CDC20B: variants seen among roughly 807,000 people sequenced by gnomAD.
CDC20B encodes cell division cycle 20B, also known as cell division cycle protein 20 homolog B.
In CDC20B, 58 loss-of-function variants were observed where a neutral mutation model predicts 64.1. That is an observed-to-expected ratio of 0.90 (90% CI 0.73 to 1.13). The LOEUF (loss-of-function observed/expected upper bound fraction) is 1.13. Ranked by LOEUF, CDC20B falls within the 50% of genes most tolerant of loss-of-function variation. CDC20B has a pLI of 0.00. For missense variants in CDC20B, 597 were observed against 633.0 expected (o/e 0.94, Z 0.61); for synonymous variants, 243 against 230.6 (o/e 1.05, Z -0.49).
At chr5:55,145,106 C>T (rs1743433597) in intron 3 of CDC20B, among the ~76,000 whole-genome samples, 1 of 152,040 alleles carries the variant, frequency 6.6e-6, no homozygotes, top group Non-Finnish European at 1.5e-5. Flanking sequence ...AAAAGGGAGC[C>T]CCTAATTTTA....
At chr5:55,122,151 G>T (rs1742772878) in intron 9 of CDC20B, among the ~76,000 whole-genome samples, 1 of 152,022 alleles carries the variant, frequency 6.6e-6, no homozygotes, top group African/African-American at 2.4e-5. Flanking sequence ...AGGTGAACTT[G>T]TTATTATAAC....
At chr5:55,154,604 A>C (rs909069448) in intron 2 of CDC20B, among the ~76,000 whole-genome samples, 8 of 152,322 alleles carry the variant, frequency 5.3e-5, no homozygotes, top group Middle Eastern at 6.8e-3. Context: ...AGAAAAACTT[A>C]CTTTATATTG....
chr5:55,126,531 G>C (rs1015840900), intron 8 of CDC20B: 1 of 192,346 alleles, frequency 5.2e-6, no homozygotes, highest in Non-Finnish European at 1.1e-5. Context: ...TTAACCTTAA[G>C]AACTACAATA....
intron 2 of CDC20B, chr5:55,160,089 A>C: frequency 2.6e-6 from 2 of 768,720 alleles, no homozygotes; most frequent in Non-Finnish European, 4.5e-6. Flanking sequence ...CAGTGAAAGC[A>C]GTCAGCCTGT....
intron 2 of CDC20B, among the ~76,000 whole-genome samples, chr5:55,171,777 A>G (rs945615967): frequency 6.6e-6 from 1 of 152,042 alleles, no homozygotes; most frequent in African/African-American, 2.4e-5. Context: ...TAATTTTTGC[A>G]GTTTTTTTAT....
intron 2 of CDC20B, among the ~76,000 whole-genome samples, chr5:55,149,490 C>T (rs897341201): frequency 7.2e-5 from 11 of 152,124 alleles, no homozygotes; most frequent in South Asian, 2.1e-4. Context: ...AATCATGGGA[C>T]GTATCTACAT....
intron 2 of CDC20B, among the ~76,000 whole-genome samples, chr5:55,155,865 C>G (rs1303259580): frequency 6.6e-6 from 1 of 152,192 alleles, no homozygotes; most frequent in Non-Finnish European, 1.5e-5. Flanking sequence ...TCAGTACACA[C>G]AGAAAAGCCT....
intron 11 of CDC20B, among the ~76,000 whole-genome samples, chr5:55,115,546 A>G (rs1270470614): frequency 6.6e-6 from 1 of 152,178 alleles, no homozygotes; most frequent in Non-Finnish European, 1.5e-5. Flanking sequence ...ACTTTAGGCC[A>G]AAATAGGTGA....
Position 55,128,524 on chromosome 5 carries a change from A to G in CDC20B, c.791T>C (p.Ile264Thr), listed in dbSNP as rs1450238532. ...AGTGAGACTTAAGTCTATGTTTTCA[A>G]TCCCATTGTGGTTCTCCCCATTCCA... ...YIWNGENHNG[I>T]ENIDLSLTCN... The change falls in exon 7 of 12, where the codon ATT becomes ACT. Residue 264 changes from isoleucine to threonine, a missense_variant. Transcript: ENST00000381375. 6.2e-7 allele frequency: 1 copy of G among 1,611,776 alleles called. No homozygotes were observed.
rs958932532 is a variant in CDC20B at position 55,115,365 on chromosome 5, A to G, written c.1460-1047T>C. ...CCTTATTTCAGGATTTCTTCATTTTAGGACTACTAGAAGCATTACAAATGT... is the reference window on the plus strand; with the variant it reads ...CCTTATTTCAGGATTTCTTCATTTTGGGACTACTAGAAGCATTACAAATGT... On this transcript the variant is annotated intron_variant, in intron 11 of 11. Transcript: ENST00000381375. Among the ~76,000 whole-genome samples the G allele has an allele frequency of 2.0e-5, 3 of 152,356 alleles. No homozygotes were observed. The South Asian group carries it at 6.2e-4, about 32-fold the overall frequency.
intron 5 of CDC20B, chr5:55,137,321 A>G: frequency 3.1e-6 from 1 of 326,842 alleles, no homozygotes; most frequent in Non-Finnish European, 6.0e-6. Flanking sequence ...CCACCATCCA[A>G]AGTTTCCTAC....
At chr5:55,148,647 G>A (rs976532572) in intron 2 of CDC20B, among the ~76,000 whole-genome samples, 6 of 152,160 alleles carry the variant, frequency 3.9e-5, no homozygotes, top group African/African-American at 7.2e-5. Flanking sequence ...GCAGTGAGCC[G>A]CATTGGCGCT....
At position 55,113,932 on chromosome 5, in the gene CDC20B, G is replaced by T; in HGVS notation, c.*286C>A. On this transcript the variant is annotated 3_prime_UTR_variant, in exon 12 of 12. Coordinates refer to ENST00000381375, the MANE Select transcript of CDC20B (RefSeq NM_001170402.1). ...AAATCTTTGCTATAGATGTTATTCT[G>T]AATAAAGTAGTGAAAATGAATCTCT... is the stretch of plus-strand genomic sequence containing the variant. 2.9e-6 allele frequency: 1 copy of T among 343,140 alleles called. No homozygotes were observed. 21.3% of individuals were successfully genotyped at this position (343,140 alleles called of 1,614,324 possible). A position where few individuals can be genotyped will look rare whatever the true frequency, so the allele number is the denominator to read the frequency against.
chr5:55,127,125 T>C (rs1279108363), intron 8 of CDC20B, 132 bp downstream of exon 8: 4 of 744,168 alleles, frequency 5.4e-6, no homozygotes, highest in African/African-American at 3.5e-5. Flanking sequence ...GGATCATACC[T>C]GATATTAAGT....
intron 2 of CDC20B, among the ~76,000 whole-genome samples, chr5:55,153,796 A>C (rs188107259): frequency 1.9e-3 from 288 of 152,362 alleles, no homozygotes; most frequent in African/African-American, 6.7e-3. Flanking sequence ...AATTCAATAA[A>C]GTTGCATGAA....
chr5:55,172,749 C>CT (rs70989702), intron 1 of CDC20B, 99 bp from the exon 2 acceptor site: 5,350 of 534,762 alleles, frequency 0.01, 84 homozygotes, highest in South Asian at 0.019. Flanking sequence ...TCAGATTACA[C>CT]TTTTTTTTTT....
chr5:55,145,181 G>T (rs1046004183), intron 3 of CDC20B, among the ~76,000 whole-genome samples: 2 of 152,112 alleles, frequency 1.3e-5, no homozygotes, highest in African/African-American at 4.8e-5. Context: ...AGATACAAAA[G>T]ATTTCTTTCA....
chr5:55,145,163 T>G (rs747438813), intron 3 of CDC20B, among the ~76,000 whole-genome samples: 9 of 152,228 alleles, frequency 5.9e-5, no homozygotes, highest in Non-Finnish European at 1.0e-4. Context: ...TGTCCCTCAA[T>G]TGCAATGAGA....
intron 2 of CDC20B, 66 bp from the exon 3 acceptor site, chr5:55,146,922 T>G: frequency 1.8e-6 from 2 of 1,119,526 alleles, no homozygotes; most frequent in Admixed American, 2.0e-5. Flanking sequence ...AAATTCCCTA[T>G]AAGAGAATTA....
Sources: gnomAD v4.1 joint callset for allele counts (sites outside exome capture counted in the v4.1 genomes callset) on GRCh38, gnomAD v4.1.1 for gene constraint, MANE v1.5 for transcripts, NCBI Gene and HGNC (gene_info 2026-07-23, HGNC 2026-07-21) for gene names.